Variants in ABCB1 observed in about 807,000 individuals in gnomAD.
ABCB1 encodes the protein ATP-dependent translocase ABCB1.
In ABCB1, 69 loss-of-function variants were observed where a neutral mutation model predicts 142.0. That is an observed-to-expected ratio of 0.49 (90% CI 0.40 to 0.59). The LOEUF (loss-of-function observed/expected upper bound fraction) is 0.59. Ranked by LOEUF, ABCB1 falls within the 20% of genes least tolerant of loss-of-function variation. The pLI, the probability that ABCB1 is intolerant of heterozygous loss-of-function variation, is 0.00. For missense variants in ABCB1, 1,326 were observed against 1,554.7 expected (o/e 0.85, Z 2.47); for synonymous variants, 532 against 539.2 (o/e 0.99, Z 0.18).
chr7:87,702,784 T>C lies in ABCB1; in HGVS notation c.-331+10377A>G, dbSNP rs542956831. Among the ~76,000 whole-genome samples, 9 of 152,304 alleles carry C rather than the reference T, an allele frequency of 5.9e-5. No individual in the cohort carries two copies. The South Asian group carries it at 1.9e-3, about 32-fold the overall frequency. ...AAATGATCTCAAAACTAAAACTTTTTGAGCATCACCATGATGTTCAAAGAA... is the reference window on the plus strand; with the variant it reads ...AAATGATCTCAAAACTAAAACTTTTCGAGCATCACCATGATGTTCAAAGAA... On this transcript the variant is annotated intron_variant, in intron 1 of 28. Coordinates refer to the ABCB1 transcript ENST00000265724.
rs970061302 is a variant in ABCB1 at position 87,503,250 on chromosome 7, T to C, written c.*993A>G. On this transcript the variant is annotated 3_prime_UTR_variant, in exon 28 of 28. Transcript: ENST00000622132. Reference sequence around the variant, plus strand: ...AGATAGCAATTGTTTATAGTAAATATAGTTTATAATGTTAATAATGCTTTT... The same window carrying C: ...AGATAGCAATTGTTTATAGTAAATACAGTTTATAATGTTAATAATGCTTTT... 6.6e-6 allele frequency among the ~76,000 whole-genome samples: 1 copy of C among 152,088 alleles called. No individual in the cohort carries two copies. Among genetic ancestry groups the C allele is most frequent in the African/African-American group, 2.4e-5 (1 of 41,454 alleles).
intron 2 of ABCB1, among the ~76,000 whole-genome samples, chr7:87,597,371 T>C (rs944012273): frequency 2.0e-5 from 3 of 152,108 alleles, no homozygotes; most frequent in African/African-American, 7.2e-5. Flanking sequence ...CCCAGCATTA[T>C]CTATTACCAA....
chr7:87,644,601 A>G (rs909441053), intron 1 of ABCB1, among the ~76,000 whole-genome samples: 1 of 152,220 alleles, frequency 6.6e-6, no homozygotes, highest in African/African-American at 2.4e-5. Context: ...TTCAGATATC[A>G]TTCCATATAA....
chr7:87,639,199 G>A (rs1822182758), intron 1 of ABCB1, among the ~76,000 whole-genome samples: 1 of 149,478 alleles, frequency 6.7e-6, no homozygotes, highest in South Asian at 2.1e-4. Context: ...CTTTCAAACA[G>A]TTGAAGGTTT....
chr7:87,652,621 G>GATATATATATATAT lies in ABCB1; in HGVS notation c.-330-51557_-330-51544dup, dbSNP rs373344881. Among the ~76,000 whole-genome samples, 542 of 125,360 alleles carry GATATATATATATAT rather than the reference G, an allele frequency of 4.3e-3. 14 individuals carry two copies. Among genetic ancestry groups the GATATATATATATAT allele is most frequent in the African/African-American group, 0.014 (396 of 29,104 alleles). The allele number at this position is 125,360 out of a possible 152,430, so 82.2% of individuals were successfully genotyped here. A position where few individuals can be genotyped will look rare whatever the true frequency, so the allele number is the denominator to read the frequency against. On this transcript the variant is annotated intron_variant, in intron 1 of 28. Coordinates refer to the ABCB1 transcript ENST00000265724. Reference sequence around the variant, plus strand: ...CTGTCAGTTGACTCTTGTGGTCACTGATATATATATATATATATATATATA... The same window carrying GATATATATATATAT: ...CTGTCAGTTGACTCTTGTGGTCACTGATATATATATATATATATATATATATATATATATATATA...
intron 8 of ABCB1, among the ~76,000 whole-genome samples, chr7:87,557,769 C>T (rs1226838537): frequency 6.6e-6 from 1 of 152,134 alleles, no homozygotes; most frequent in African/African-American, 2.4e-5. Context: ...GGCTTCACTC[C>T]CACAATGTCC....
At chr7:87,546,751 A>G (rs1248892769) in intron 14 of ABCB1, among the ~76,000 whole-genome samples, 1 of 152,090 alleles carries the variant, frequency 6.6e-6, no homozygotes, top group Non-Finnish European at 1.5e-5. Context: ...CAAGACAGAC[A>G]ATAAATGTGA....
chr7:87,693,245 G>C (rs1451349760), intron 1 of ABCB1, among the ~76,000 whole-genome samples: 1 of 152,084 alleles, frequency 6.6e-6, no homozygotes, highest in Admixed American at 6.6e-5. Context: ...GTTAGAAGCT[G>C]TAACAAATAA....
At chr7:87,697,784 T>G (rs965948794) in intron 1 of ABCB1, among the ~76,000 whole-genome samples, 1 of 152,190 alleles carries the variant, frequency 6.6e-6, no homozygotes, top group Non-Finnish European at 1.5e-5. Context: ...TTATTTTCAA[T>G]TTACAGAAGA....
intron 8 of ABCB1, among the ~76,000 whole-genome samples, chr7:87,558,109 C>A (rs1317850175): frequency 6.6e-6 from 1 of 152,192 alleles, no homozygotes; most frequent in Non-Finnish European, 1.5e-5. Context: ...AGCATGAATT[C>A]ACACTACCAG....
chr7:87,683,213 GA>G (rs1313335017), intron 1 of ABCB1, among the ~76,000 whole-genome samples: 1 of 152,176 alleles, frequency 6.6e-6, no homozygotes, highest in Non-Finnish European at 1.5e-5. Context: ...TGGCTTAAGA[GA>G]ATGTTGTGGC....
chr7:87,563,410 C>A, intron 7 of ABCB1: 1 of 454,542 alleles, frequency 2.2e-6, no homozygotes, highest in South Asian at 1.6e-5. Context: ...ATACAAATAT[C>A]CTCAGCAAAA....
chr7:87,600,099 A>G lies in ABCB1; in HGVS notation c.68+18T>C, dbSNP rs1049335068. ...TCTCGCAACTATGTAAACTATGAAA[A>G]TGAAACAAGCTAGTTACCTTTTATT... On this transcript the variant is annotated intron_variant, in intron 2 of 27. Transcript: ENST00000622132. The G allele has an allele frequency of 2.4e-5, 38 of 1,606,058 alleles. No homozygotes were observed. The highest frequency in any genetic ancestry group is 3.2e-5 in the Non-Finnish European group (37 of 1,173,156).
chr7:87,539,254 C>G lies in ABCB1; in HGVS notation c.2397+14G>C. The G allele has an allele frequency of 1.2e-6, 2 of 1,613,334 alleles. No individual in the cohort carries two copies. Among genetic ancestry groups the G allele is most frequent in the African/African-American group, 1.3e-5 (1 of 75,034 alleles). On this transcript the variant is annotated intron_variant, in intron 19 of 27. Transcript: ENST00000622132. ...GTTCTACACATCCCAGGGCACAGCC[C>G]TCGATAGACATACCTGTCTGAGCAT...
intron 21 of ABCB1, chr7:87,522,172 A>G (rs1039579499): frequency 1.0e-5 from 15 of 1,447,446 alleles, no homozygotes; most frequent in African/African-American, 4.1e-5. Flanking sequence ...TGGTGGATAT[A>G]GTGGCAGTGG....
chr7:87,571,944 G>A (rs1818074822), intron 4 of ABCB1, among the ~76,000 whole-genome samples: 1 of 152,176 alleles, frequency 6.6e-6, no homozygotes, highest in African/African-American at 2.4e-5. Context: ...AAGACAGAAG[G>A]TAAGGAAGAA....
intron 1 of ABCB1, among the ~76,000 whole-genome samples, chr7:87,658,353 CAG>C (rs1824332209): frequency 6.6e-6 from 1 of 152,040 alleles, no homozygotes; most frequent in Non-Finnish European, 1.5e-5. Context: ...ATCTGAACAA[CAG>C]AGAGAAATTA....
intron 1 of ABCB1, among the ~76,000 whole-genome samples, chr7:87,662,465 G>A (rs1460930816): frequency 6.6e-6 from 1 of 152,056 alleles, no homozygotes; most frequent in African/African-American, 2.4e-5. Context: ...TCATTCTTCT[G>A]CATATGGATA....
In ABCB1 at chr7:87,680,731, G is replaced by C. The variant is rs943133179; in HGVS notation, c.-331+32430C>G. ...AATCACTTGAACCTGGGAGGCGGAG[G>C]GTGCAGTGAGCCAAGATCGCGCCAT... On this transcript the variant is annotated intron_variant, in intron 1 of 28. Transcript: ENST00000265724. Among the ~76,000 whole-genome samples the C allele has an allele frequency of 2.1e-4, 31 of 149,930 alleles. 1 individual carries two copies. The highest frequency in any genetic ancestry group is 7.7e-4 in the African/African-American group (31 of 40,270).
Sources: gnomAD v4.1 joint callset for allele counts (sites outside exome capture counted in the v4.1 genomes callset) on GRCh38, gnomAD v4.1.1 for gene constraint, MANE v1.5 for transcripts, NCBI Gene and HGNC (gene_info 2026-07-23, HGNC 2026-07-21) for gene names.